UBASH3B: variants seen among roughly 807,000 people sequenced by gnomAD.
UBASH3B encodes ubiquitin associated and SH3 domain containing B.
In UBASH3B, 37 loss-of-function variants were observed where a neutral mutation model predicts 83.4. The ratio of observed to expected loss-of-function variants is 0.44; its 90% confidence interval spans 0.34 to 0.58. UBASH3B has a LOEUF of 0.58. Among genes scored for constraint, UBASH3B ranks in the 20% least tolerant of loss-of-function variants. UBASH3B has a pLI of 0.01. For synonymous variants in UBASH3B, 304 were observed against 318.3 expected (o/e 0.96, Z 0.48); for missense variants, 657 against 827.2 (o/e 0.79, Z 2.52).
At chr11:122,773,969 T>C in intron 1 of UBASH3B, 2 of 985,324 alleles carry the variant, frequency 2.0e-6, no homozygotes, top group Non-Finnish European at 2.4e-6. Flanking sequence ...GAACAATGGG[T>C]CCTTTTTTGG....
chr11:122,792,853 G>A (rs1861083832), intron 6 of UBASH3B, among the ~76,000 whole-genome samples: 1 of 152,128 alleles, frequency 6.6e-6, no homozygotes, highest in Admixed American at 6.5e-5. Context: ...TGTGTGAGGA[G>A]CAGAACCCCA....
chr11:122,793,507 A>T (rs2135168770), intron 6 of UBASH3B, among the ~76,000 whole-genome samples: 1 of 152,344 alleles, frequency 6.6e-6, no homozygotes. Context: ...ACTGGGATGG[A>T]TGGCTACCCA....
chr11:122,783,712 A>G (rs1860897715), intron 5 of UBASH3B, among the ~76,000 whole-genome samples: 2 of 152,164 alleles, frequency 1.3e-5, no homozygotes, highest in South Asian at 4.1e-4. Context: ...GCATACTGGA[A>G]TTTTTAAATG....
chr11:122,799,108 T>C, intron 10 of UBASH3B, 74 bp downstream of exon 10: 1 of 1,251,666 alleles, frequency 8.0e-7, no homozygotes, highest in Non-Finnish European at 1.2e-6. Flanking sequence ...TAAATTATCT[T>C]AGAGCCATGG....
Position 122,810,185 on chromosome 11 carries a change from G to A in UBASH3B, c.*299G>A, listed in dbSNP as rs1386138017. ...GTTTCGTTCCCTCTGGGTATGCACA[G>A]CTAAGGGGCCTCATTTCTCCCAGAG... On this transcript the variant is annotated 3_prime_UTR_variant, in exon 14 of 14. Transcript: ENST00000284273. 3.9e-6 allele frequency: 1 copy of A among 255,536 alleles called. No homozygotes were observed. Among genetic ancestry groups the A allele is most frequent in the Admixed American group, 5.0e-5 (1 of 20,048 alleles). The allele number at this position is 255,536 out of a possible 1,614,324, so 15.8% of individuals were successfully genotyped here.
intron 1 of UBASH3B, among the ~76,000 whole-genome samples, chr11:122,718,881 C>CA (rs1487658161): frequency 6.6e-6 from 1 of 151,922 alleles, no homozygotes; most frequent in Non-Finnish European, 1.5e-5. Flanking sequence ...CCTAAAAATA[C>CA]AAAAAATTAG....
intron 7 of UBASH3B, 124 bp from the exon 8 acceptor site, chr11:122,796,032 T>G: frequency 8.1e-7 from 1 of 1,232,418 alleles, no homozygotes; most frequent in South Asian, 1.4e-5. Context: ...CGAGTCTTAC[T>G]GTCCTCACCA....
At position 122,783,142 on chromosome 11, in the gene UBASH3B, G is replaced by A. The variant is rs2135151554; in HGVS notation, c.691G>A (p.Ala231Thr). 3 of 1,614,106 alleles carry A rather than the reference G, an allele frequency of 1.9e-6. No homozygotes were observed. The highest frequency in any genetic ancestry group is 2.5e-6 in the Non-Finnish European group (3 of 1,180,008). The change falls in exon 5 of 14, where the codon GCC (alanine) becomes ACC (threonine). Residue 231 changes from alanine (A) to threonine (T), a missense_variant. This residue lies in a region of UBASH3B where 573 missense variants were observed against 739.0 expected (regional missense o/e 0.78). Coordinates refer to ENST00000284273, the MANE Select transcript of UBASH3B (RefSeq NM_032873.5). ...ASHLPTLEKL[A>T]QNIDVKLGCD... ...CCACCTACCCACCCTAGAGAAACTG[G>A]CCCAGAACATTGACGTCAAGCTAGG...
chr11:122,767,121 T>C (rs1475693766), intron 1 of UBASH3B, among the ~76,000 whole-genome samples: 1 of 151,400 alleles, frequency 6.6e-6, no homozygotes, highest in Non-Finnish European at 1.5e-5. Context: ...CTACTAAAAA[T>C]ACAAAAATTA....
At chr11:122,721,578 C>T (rs1860639370) in intron 1 of UBASH3B, among the ~76,000 whole-genome samples, 1 of 152,156 alleles carries the variant, frequency 6.6e-6, no homozygotes, top group Non-Finnish European at 1.5e-5. Context: ...GTTCAAACAC[C>T]ATCCCTTTAA....
At position 122,796,980 on chromosome 11, in the gene UBASH3B, A is replaced by G. The variant is rs1861167971; in HGVS notation, c.1304A>G (p.Tyr435Cys). The G allele has an allele frequency of 6.2e-7, 1 of 1,613,960 alleles. No individual in the cohort carries two copies. Among genetic ancestry groups the G allele is most frequent in the Non-Finnish European group, 8.5e-7 (1 of 1,179,994 alleles). Residue 435 changes from tyrosine to cysteine, a missense_variant, in exon 9 of 14, where the codon TAC (tyrosine) becomes TGC (cysteine). By Grantham distance (194) the Tyr-to-Cys change is radical (BLOSUM62 -2). This residue lies in a region of UBASH3B where 573 missense variants were observed against 739.0 expected (regional missense o/e 0.78). Coordinates refer to ENST00000284273, the MANE Select transcript of UBASH3B (RefSeq NM_032873.5). ...CAGCGGAGTGGTGGTTTCCGAGATT[A>G]CGAGAAAGATGCTCCCATCACTGTG... ...LPQRSGGFRDYEKDAPITVFG... is the reference protein window; with the variant it reads ...LPQRSGGFRDCEKDAPITVFG...
At chr11:122,741,947 T>C (rs1384812375) in intron 1 of UBASH3B, among the ~76,000 whole-genome samples, 2 of 152,166 alleles carry the variant, frequency 1.3e-5, no homozygotes, top group Non-Finnish European at 2.9e-5. Context: ...TTGCCAGATC[T>C]CTTCTGGAAA....
At chr11:122,774,057 T>C (rs1860692233) in intron 1 of UBASH3B, 1 of 984,214 alleles carries the variant, frequency 1.0e-6, no homozygotes, top group African/African-American at 1.8e-5. Context: ...GCTTCTGTAC[T>C]GAAAAAAAAA....
rs978681453 is a variant in UBASH3B at position 122,744,430 on chromosome 11, C to T, written c.162-31789C>T. Among the ~76,000 whole-genome samples, 3 of 151,888 alleles carry T rather than the reference C, an allele frequency of 2.0e-5. 1 individual carries two copies. Among genetic ancestry groups the T allele is most frequent in the South Asian group, 4.2e-4 (2 of 4,804 alleles). On this transcript the variant is annotated intron_variant, in intron 1 of 13. Transcript: ENST00000284273. ...GTTGTGTGCATTTGAGCATGTGTAT[C>T]GGTGTGTGGCTGTGTGAGTGCCTAT...
chr11:122,785,384 TTTGA>T (rs1183605875), intron 5 of UBASH3B, among the ~76,000 whole-genome samples: 2 of 152,118 alleles, frequency 1.3e-5, no homozygotes, highest in Non-Finnish European at 2.9e-5. Context: ...AGGAGGCAGT[TTTGA>T]TTGATTGTTC....
At chr11:122,688,793 C>A (rs1417675426) in intron 1 of UBASH3B, among the ~76,000 whole-genome samples, 1 of 151,958 alleles carries the variant, frequency 6.6e-6, no homozygotes. Flanking sequence ...TACAGGCGCC[C>A]GCCACCACGC....
chr11:122,763,188 G>A (rs1307336349), intron 1 of UBASH3B, among the ~76,000 whole-genome samples: 2 of 152,120 alleles, frequency 1.3e-5, no homozygotes, highest in African/African-American at 4.8e-5. Flanking sequence ...ATGCTAGAGG[G>A]ACACATAACA....
chr11:122,798,877 C>A, intron 9 of UBASH3B, 65 bp from the exon 10 acceptor site: 1 of 1,409,854 alleles, frequency 7.1e-7, no homozygotes, highest in Non-Finnish European at 1.0e-6. Context: ...CCCCCTCTCA[C>A]ACTGCGGGTC....
chr11:122,765,322 T>C (rs1278672885), intron 1 of UBASH3B, among the ~76,000 whole-genome samples: 5 of 152,210 alleles, frequency 3.3e-5, no homozygotes, highest in Non-Finnish European at 7.4e-5. Context: ...AGCTCCATGA[T>C]TGTGCCTAAG....
Sources: allele counts gnomAD v4.1 joint callset (sites outside exome capture counted in the v4.1 genomes callset), GRCh38; gene constraint gnomAD v4.1.1; regional missense constraint gnomAD v4.1.1; transcripts MANE v1.5; gene names NCBI Gene and HGNC (gene_info 2026-07-23, HGNC 2026-07-21).